The following LMO1 variants were observed in gnomAD, a reference collection of about 807,000 sequenced individuals.
The protein encoded by LMO1 is LIM domain only 1, also known as rhombotin-1.
LMO1 carries 10 observed loss-of-function variants against 18.0 expected under a neutral mutation model. The observed-to-expected ratio is 0.55, with a 90% confidence interval of 0.34 to 0.94. LMO1 has a LOEUF of 0.94. Ranked by LOEUF, LMO1 falls within the 40% of genes least tolerant of loss-of-function variation. LMO1 has a pLI of 0.02. For synonymous variants in LMO1, 77 were observed against 77.9 expected, an observed-to-expected ratio of 0.99 and a Z score of 0.06; for missense variants, 183 against 205.7, an observed-to-expected ratio of 0.89 and a Z score of 0.68.
upstream of LMO1, among the ~76,000 whole-genome samples, chr11:8,266,668 C>G (rs187213620): frequency 1.1e-3 from 164 of 152,346 alleles, no homozygotes; most frequent in African/African-American, 3.8e-3. Flanking sequence ...GCCCCTCCAC[C>G]TGGCAGGAAA....
intron 1 of LMO1, among the ~76,000 whole-genome samples, chr11:8,231,365 C>A (rs1198323382): frequency 1.3e-5 from 2 of 152,246 alleles, no homozygotes; most frequent in African/African-American, 4.8e-5. Flanking sequence ...CTCACACACA[C>A]CCCTCACACA....
Position 8,236,260 on chromosome 11 carries a change from C to A in LMO1, c.26-5756G>T, listed in dbSNP as rs144213262. On this transcript the variant is annotated intron_variant, in intron 1 of 3. Coordinates refer to ENST00000335790, the MANE Select transcript of LMO1 (RefSeq NM_002315.3). ...ATGCTGGAGTGTAGTGATGTGGTCACAGCTCACTGCAGCCTCAACCTCCCG... is the reference window on the plus strand; with the variant it reads ...ATGCTGGAGTGTAGTGATGTGGTCAAAGCTCACTGCAGCCTCAACCTCCCG... Among the ~76,000 whole-genome samples, 5 of 151,628 alleles carry A rather than the reference C, an allele frequency of 3.3e-5. No homozygotes were observed. The East Asian group carries it at 7.8e-4, about 24-fold the overall frequency.
chr11:8,250,741 C>T (rs1846976837), intron 1 of LMO1, among the ~76,000 whole-genome samples: 1 of 152,254 alleles, frequency 6.6e-6, no homozygotes, highest in African/African-American at 2.4e-5. Context: ...CGGATGCAGC[C>T]TCTGCTGGGC....
At chr11:8,224,891 C>T (rs569498137) in intron 3 of LMO1, among the ~76,000 whole-genome samples, 170 bp from the exon 4 acceptor site, 57 of 152,088 alleles carry the variant, frequency 3.7e-4, no homozygotes, top group Non-Finnish European at 7.4e-4. Context: ...CACAGCACAC[C>T]TGGGCAATTC....
At chr11:8,260,238 T>C (rs1370615093) in intron 1 of LMO1, among the ~76,000 whole-genome samples, 1 of 152,138 alleles carries the variant, frequency 6.6e-6, no homozygotes, top group East Asian at 1.9e-4. Flanking sequence ...GAGCTGTAGC[T>C]CTCCTTGCTC....
intron 1 of LMO1, among the ~76,000 whole-genome samples, chr11:8,262,808 T>A (rs73397905): frequency 4.7e-4 from 71 of 151,848 alleles, no homozygotes; most frequent in African/African-American, 1.7e-3. Context: ...CGCCTTCCCC[T>A]CGCCTGCCGG....
chr11:8,263,273 G>A, intron 1 of LMO1, 65 bp downstream of exon 1: 1 of 1,537,188 alleles, frequency 6.5e-7, no homozygotes, highest in South Asian at 1.1e-5. Flanking sequence ...CCGCGTGTGT[G>A]TGCCTGCGCG....
chr11:8,230,520 C>T lies in LMO1; in HGVS notation c.26-16G>A. ...ATCGGCACGCCTGCAGACGGACAGA[C>T]AGACAGCAACGCAGGATGGGCCCCG... On this transcript the variant is annotated splice_polypyrimidine_tract_variant and intron_variant, in intron 1 of 3. Transcript: ENST00000335790. The T allele has an allele frequency of 6.2e-7, 1 of 1,607,760 alleles. No individual in the cohort carries two copies. Among genetic ancestry groups the T allele is most frequent in the Non-Finnish European group, 8.5e-7 (1 of 1,179,388 alleles).
In LMO1 at chr11:8,227,193, T is replaced by A. The variant is rs147530172; in HGVS notation, c.240-93A>T. On this transcript the variant is annotated intron_variant, in intron 2 of 3. Transcript: ENST00000335790. ...TTGCCTCCATCCAGGGTCCTTCCCA[T>A]ACTCCAACTTGTGGGCTCAGCAGGT... is the stretch of plus-strand genomic sequence containing the variant. 4.7e-4 allele frequency: 719 copies of A among 1,527,306 alleles called. 1 individual carries two copies. The African/African-American group carries it at 8.8e-3, about 19-fold the overall frequency. The allele number at this position is 1,527,306 out of a possible 1,614,324, so 94.6% of individuals were successfully genotyped here.
At chr11:8,244,336 C>T (rs1017509899) in intron 1 of LMO1, among the ~76,000 whole-genome samples, 10 of 152,310 alleles carry the variant, frequency 6.6e-5, no homozygotes, top group Non-Finnish European at 1.3e-4. Flanking sequence ...AGCAATAAAG[C>T]GTACCTGGGG....
rs553353923 is a variant in LMO1, at chr11:8,258,861, A to C, written c.25+4477T>G. ...AGGCCAAGTGAGTGGTCATGCCAGC[A>C]CTGAGCCCCGGCATCCAAAGGGTGA... is the stretch of plus-strand genomic sequence containing the variant. On this transcript the variant is annotated intron_variant, in intron 1 of 3. Coordinates refer to ENST00000335790, the MANE Select transcript of LMO1 (RefSeq NM_002315.3). Among the ~76,000 whole-genome samples, 3 of 152,338 alleles carry C rather than the reference A, an allele frequency of 2.0e-5. No homozygotes were observed. The South Asian group carries it at 6.2e-4, about 32-fold the overall frequency.
intron 1 of LMO1, among the ~76,000 whole-genome samples, chr11:8,262,905 G>C (rs1051003340): frequency 2.0e-5 from 3 of 152,220 alleles, no homozygotes; most frequent in Non-Finnish European, 2.9e-5. Flanking sequence ...TGATTTGCTC[G>C]GCGCTCAGCG....
intron 1 of LMO1, among the ~76,000 whole-genome samples, chr11:8,234,303 G>A (rs964502194): frequency 6.6e-6 from 1 of 152,134 alleles, no homozygotes; most frequent in Non-Finnish European, 1.5e-5. Context: ...TCCAGGTGAC[G>A]GGGACGCACT....
chr11:8,263,458 T>TA lies in LMO1; in HGVS notation c.-97dup. ...GAGGGGCGGCCGGTCTTCGGGCAGC[T>TA]AGCGGGCTCTAATTACCCGCTTGTC... On this transcript the variant is annotated 5_prime_UTR_variant, in exon 1 of 4. Transcript: ENST00000335790. The TA allele has an allele frequency of 2.6e-6, 4 of 1,552,762 alleles. No individual in the cohort carries two copies. Among genetic ancestry groups the TA allele is most frequent in the Non-Finnish European group, 3.5e-6 (4 of 1,157,682 alleles).
chr11:8,268,231 TGGCACCGCCGACCCC>T (rs1042968878), upstream of LMO1, among the ~76,000 whole-genome samples: 1 of 152,066 alleles, frequency 6.6e-6, no homozygotes. Flanking sequence ...GCGCTGAGCC[TGGCACCGCCGACCCC>T]GGCACCGGCG....
Position 8,224,416 on chromosome 11 carries a change from G to A in LMO1, c.*200C>T, listed in dbSNP as rs796435895. 1.2e-5 allele frequency: 7 copies of A among 593,740 alleles called. No individual in the cohort carries two copies. The highest frequency in any genetic ancestry group is 5.6e-5 in the African/African-American group (3 of 53,868). 36.8% of individuals were successfully genotyped at this position (593,740 alleles called of 1,614,324 possible). ...TACAGAAGACAGACTGTACAGGCCCGGCCTGGCCCCAGGAGGGGTCACACA... is the reference window on the plus strand; with the variant it reads ...TACAGAAGACAGACTGTACAGGCCCAGCCTGGCCCCAGGAGGGGTCACACA... On this transcript the variant is annotated 3_prime_UTR_variant, in exon 4 of 4. Coordinates refer to ENST00000335790, the MANE Select transcript of LMO1 (RefSeq NM_002315.3).
At chr11:8,241,725 C>T (rs1846796535) in intron 1 of LMO1, among the ~76,000 whole-genome samples, 1 of 151,334 alleles carries the variant, frequency 6.6e-6, no homozygotes, top group Non-Finnish European at 1.5e-5. Context: ...CCCCACACTT[C>T]AGTAATTTCC....
intron 1 of LMO1, among the ~76,000 whole-genome samples, chr11:8,250,947 C>G (rs1040497572): frequency 4.6e-5 from 7 of 152,210 alleles, no homozygotes; most frequent in African/African-American, 1.7e-4. Flanking sequence ...AATTGAGACT[C>G]TACCTGGAAA....
intron 1 of LMO1, among the ~76,000 whole-genome samples, chr11:8,251,725 G>GT (rs1846996701): frequency 6.6e-6 from 1 of 151,426 alleles, no homozygotes. Flanking sequence ...GTGTGCGTGT[G>GT]GTGTGTATGG....
Sources: gnomAD v4.1 joint callset for allele counts (sites outside exome capture counted in the v4.1 genomes callset) on GRCh38, gnomAD v4.1.1 for gene constraint, MANE v1.5 for transcripts, NCBI Gene and HGNC (gene_info 2026-07-23, HGNC 2026-07-21) for gene names.